EPB41: variants seen among roughly 807,000 people sequenced by gnomAD.
EPB41 encodes the protein protein 4.1.
A neutral mutation model predicts 108.0 loss-of-function variants in EPB41; 65 were observed. The ratio of observed to expected loss-of-function variants is 0.60; its 90% confidence interval spans 0.49 to 0.74. EPB41 has a LOEUF of 0.74. Ranked by LOEUF, EPB41 falls within the 30% of genes least tolerant of loss-of-function variation. The pLI is 0.00. For synonymous variants in EPB41, 336 were observed against 358.9 expected, an observed-to-expected ratio of 0.94 and a Z score of 0.72; for missense variants, 875 against 1,037.0, an observed-to-expected ratio of 0.84 and a Z score of 2.15.
intron 16 of EPB41, among the ~76,000 whole-genome samples, chr1:29,075,613 T>C (rs1653702348): frequency 6.6e-6 from 1 of 152,330 alleles, no homozygotes; most frequent in Non-Finnish European, 1.5e-5. Flanking sequence ...CAACTATCTT[T>C]TCTTGTCTCA....
intron 5 of EPB41, among the ~76,000 whole-genome samples, 161 bp downstream of exon 5, chr1:29,012,068 A>T (rs1019614166): frequency 2.0e-5 from 3 of 152,118 alleles, no homozygotes; most frequent in African/African-American, 7.2e-5. Context: ...AGATTCCATA[A>T]TAGAAAAATA....
chr1:29,082,621 G>T (rs555652720), intron 16 of EPB41, among the ~76,000 whole-genome samples: 2 of 152,162 alleles, frequency 1.3e-5, no homozygotes, highest in African/African-American at 4.8e-5. Context: ...ATAGTGTAAT[G>T]AAATAAAACT....
At chr1:29,079,927 C>T (rs555805855) in intron 16 of EPB41, among the ~76,000 whole-genome samples, 4 of 151,804 alleles carry the variant, frequency 2.6e-5, no homozygotes, top group East Asian at 2.0e-4. Context: ...GCCTGGGTGG[C>T]GGAGGTTGCA....
chr1:29,068,163 C>A (rs1235844479), intron 16 of EPB41, among the ~76,000 whole-genome samples: 1 of 152,162 alleles, frequency 6.6e-6, no homozygotes, highest in Non-Finnish European at 1.5e-5. Flanking sequence ...CCTGTTAACT[C>A]TAAAATTCTG....
intron 1 of EPB41, among the ~76,000 whole-genome samples, chr1:28,895,032 G>A (rs909361137): frequency 5.9e-5 from 9 of 152,244 alleles, no homozygotes; most frequent in Non-Finnish European, 1.0e-4. Flanking sequence ...TGCCACTCTC[G>A]CTGTGTGACT....
chr1:29,056,643 A>G (rs1246563025), intron 12 of EPB41, among the ~76,000 whole-genome samples: 2 of 152,056 alleles, frequency 1.3e-5, no homozygotes, highest in East Asian at 1.9e-4. Flanking sequence ...CTCCTTCCTC[A>G]GCCTCCTGAG....
At chr1:29,048,068 G>A (rs1643840206) in intron 11 of EPB41, among the ~76,000 whole-genome samples, 2 of 152,070 alleles carry the variant, frequency 1.3e-5, no homozygotes, top group South Asian at 4.2e-4. Context: ...ACGGGCGTGA[G>A]TGAGCCACCG....
intron 17 of EPB41, among the ~76,000 whole-genome samples, chr1:29,099,249 C>A (rs1398892074): frequency 1.4e-5 from 2 of 145,242 alleles, no homozygotes; most frequent in Non-Finnish European, 3.0e-5. Context: ...TGCAGTGAGC[C>A]GAGATTGCTC....
At chr1:28,948,780 C>T (rs1472130476) in intron 1 of EPB41, among the ~76,000 whole-genome samples, 1 of 151,162 alleles carries the variant, frequency 6.6e-6, no homozygotes, top group Admixed American at 6.6e-5. Flanking sequence ...GAAACCCTGT[C>T]TCTACTAAAA....
intron 7 of EPB41, among the ~76,000 whole-genome samples, chr1:29,021,548 G>A (rs2096645339): frequency 6.6e-6 from 1 of 151,806 alleles, no homozygotes; most frequent in African/African-American, 2.4e-5. Flanking sequence ...AAGCACTTGT[G>A]CAATTGAGTT....
chr1:29,023,446 G>C (rs2096672643), intron 7 of EPB41, among the ~76,000 whole-genome samples: 1 of 151,728 alleles, frequency 6.6e-6, no homozygotes, highest in Admixed American at 6.6e-5. Context: ...CCAGCACTTT[G>C]GGGGGCCAAG....
At chr1:28,893,120 C>T (rs2090306284) in intron 1 of EPB41, among the ~76,000 whole-genome samples, 2 of 151,912 alleles carry the variant, frequency 1.3e-5, no homozygotes, top group Admixed American at 6.6e-5. Flanking sequence ...CTCACTCTGT[C>T]GCCCAGGTTA....
chr1:28,915,601 G>A (rs1458011371), intron 1 of EPB41, among the ~76,000 whole-genome samples: 1 of 152,070 alleles, frequency 6.6e-6, no homozygotes, highest in African/African-American at 2.4e-5. Flanking sequence ...GATAGCGACT[G>A]TCATCCTGTT....
At chr1:28,917,425 C>T (rs12401668) in intron 1 of EPB41, among the ~76,000 whole-genome samples, 19,213 of 152,152 alleles carry the variant, frequency 0.13, 1,497 homozygotes, top group East Asian at 0.37. Context: ...GGATTACAGG[C>T]GCTTGCCATC....
Position 29,097,914 on chromosome 1 carries a change from C to T in EPB41, c.2292C>T (p.Thr764=), listed in dbSNP as rs777683812. The change falls in exon 17 of 21, where the codon ACC becomes ACT. Residue 764 remains threonine (T), a synonymous_variant. Transcript: ENST00000343067. ...CTATTGTCCACACTGAGACCAAGAC[C>T]ATCACTTATGAGGCTGCCCAGGTAG... ...DVPIVHTETK[T]ITYEAAQTDD... 6.2e-7 allele frequency: 1 copy of T among 1,613,972 alleles called. No individual in the cohort carries two copies. The highest frequency in any genetic ancestry group is 8.5e-7 in the Non-Finnish European group (1 of 1,179,880).
Position 29,011,915 on chromosome 1 carries a change from G to GAT in EPB41, c.829+12_829+13dup. The GAT allele has an allele frequency of 6.2e-7, 1 of 1,614,002 alleles. No individual in the cohort carries two copies. The highest frequency in any genetic ancestry group is 8.5e-7 in the Non-Finnish European group (1 of 1,179,922). On this transcript the variant is annotated intron_variant, in intron 5 of 20. Transcript: ENST00000343067. ...TAAAAAAGCAGGTTCGTGGTAAGTG[G>GAT]ATATAGCTCTTTTTATAGTTCTTTC...
intron 1 of EPB41, among the ~76,000 whole-genome samples, chr1:28,917,716 G>T (rs1293286500): frequency 2.0e-5 from 3 of 152,040 alleles, no homozygotes; most frequent in Non-Finnish European, 4.4e-5. Flanking sequence ...GAGCAGCTGG[G>T]ACTACAGACG....
At chr1:28,929,603 C>G (rs1216980025) in intron 1 of EPB41, among the ~76,000 whole-genome samples, 1 of 151,738 alleles carries the variant, frequency 6.6e-6, no homozygotes, top group African/African-American at 2.4e-5. Flanking sequence ...GCGATCTTGG[C>G]TCACCGCAAT....
chr1:28,969,116 G>T (rs1182603184), intron 1 of EPB41, among the ~76,000 whole-genome samples: 7 of 135,116 alleles, frequency 5.2e-5, no homozygotes, highest in African/African-American at 1.7e-4. Context: ...ACAGAGTCTT[G>T]CCCTGTCACC....
Sources: allele counts gnomAD v4.1 joint callset (sites outside exome capture counted in the v4.1 genomes callset), GRCh38; gene constraint gnomAD v4.1.1; transcripts MANE v1.5; gene names NCBI Gene and HGNC (gene_info 2026-07-23, HGNC 2026-07-21).